NARF: variants seen among roughly 807,000 people sequenced by gnomAD.
NARF encodes the protein nuclear prelamin A recognition factor.
In NARF, 41 loss-of-function variants were observed where a neutral mutation model predicts 48.0. The observed-to-expected ratio is 0.85, with a 90% CI of 0.66 to 1.11. The LOEUF (loss-of-function observed/expected upper bound fraction) is 1.11, where lower values mean the gene tolerates loss of function less well. Among genes scored for constraint, NARF ranks in the 50% least tolerant of loss-of-function variants. The pLI is 0.00. For synonymous variants in NARF, 215 were observed against 225.5 expected (o/e 0.95, Z 0.42); for missense variants, 613 against 590.2 (o/e 1.04, Z -0.40).
At chr17:82,459,109 C>A (rs550270385) in intron 1 of NARF, 2 of 1,183,470 alleles carry the variant, frequency 1.7e-6, no homozygotes. Context: ...TCTCGTGCCG[C>A]GCACCACAGT....
chr17:82,464,411 G>A lies in NARF; in HGVS notation c.233G>A (p.Arg78His), dbSNP rs191803589. ...CAGCAAAATGCCAAGGACTTCTTCC[G>A]CGTTCTGAACCTTAACAAGGTAAGG... is the stretch of plus-strand genomic sequence containing the variant. The part of the protein sequence containing the change: ...LSQQNAKDFF[R>H]VLNLNKKCDT... The change falls in exon 3 of 11, where the codon CGC (arginine) becomes CAC (histidine). Residue 78 changes from arginine to histidine, a missense_variant. Transcript: ENST00000309794. 9.3e-6 allele frequency: 15 copies of A among 1,613,782 alleles called. No individual in the cohort carries two copies. The highest frequency in any genetic ancestry group is 5.5e-5 in the South Asian group (5 of 91,050).
At chr17:82,459,922 C>T (rs2043391757) in intron 1 of NARF, 70 bp from the exon 2 acceptor site, 2 of 1,134,710 alleles carry the variant, frequency 1.8e-6, no homozygotes, top group Admixed American at 3.7e-5. Flanking sequence ...CTTCATTGGT[C>T]AGAATGTGCA....
upstream of NARF, chr17:82,458,736 G>C (rs2043347324): frequency 2.7e-6 from 4 of 1,462,670 alleles, no homozygotes; most frequent in Middle Eastern, 6.0e-4. Flanking sequence ...GCGGCGGGCA[G>C]TGGTGTCCCA....
At chr17:82,480,930 CAAAA>C (rs35163925) in intron 6 of NARF, 148 bp from the exon 7 acceptor site, 1,070 of 626,010 alleles carry the variant, frequency 1.7e-3, no homozygotes, top group Middle Eastern at 4.7e-3. Context: ...GACTCCATTT[CAAAA>C]AAAAAAAAAA....
At chr17:82,476,453 G>GTT (rs770221815) in intron 5 of NARF, 2 of 151,410 alleles carry the variant, frequency 1.3e-5, no homozygotes, top group African/African-American at 4.9e-5. Context: ...ACACTTTTTT[G>GTT]TTTGTTTGTT....
At chr17:82,460,219 C>G in intron 2 of NARF, 147 bp downstream of exon 2, 1 of 613,826 alleles carries the variant, frequency 1.6e-6, no homozygotes, top group Non-Finnish European at 2.8e-6. Context: ...AATCCCAGCA[C>G]TTTGGGAGGC....
At chr17:82,464,244 G>A in intron 2 of NARF, 43 bp from the exon 3 acceptor site, 1 of 1,598,774 alleles carries the variant, frequency 6.3e-7, no homozygotes, top group Non-Finnish European at 8.5e-7. Flanking sequence ...GCACATTAAA[G>A]AGTATTTGTT....
At position 82,487,997 on chromosome 17, in the gene NARF, ACGCTGACATCC is replaced by A; in HGVS notation, c.1213_1223del (p.Ala405CysfsTer169). 6.2e-7 allele frequency: 1 copy of A among 1,614,238 alleles called. No homozygotes were observed. Among genetic ancestry groups the A allele is most frequent in the Non-Finnish European group, 8.5e-7 (1 of 1,180,046 alleles). ...CTGCTGCGGCAGATGGAAGGCATTT[ACGCTGACATCC>A]CTGTGCGGCGTCCGGAGTCCAGTGC... On this transcript the variant is annotated frameshift_variant, in exon 11 of 11. Transcript: ENST00000309794. LOFTEE classifies it low-confidence loss of function (END_TRUNC).
At chr17:82,485,923 GC>G (rs1301275966) in intron 10 of NARF, among the ~76,000 whole-genome samples, 1 of 152,236 alleles carries the variant, frequency 6.6e-6, no homozygotes, top group Non-Finnish European at 1.5e-5. Context: ...GTGAGAGTCA[GC>G]CCGTGGCGGC....
chr17:82,483,996 G>A, intron 8 of NARF: 1 of 545,322 alleles, frequency 1.8e-6, no homozygotes, highest in East Asian at 3.1e-5. Flanking sequence ...GGTTTGGCGG[G>A]CTTCCATGGT....
intron 8 of NARF, chr17:82,484,558 G>A (rs1023246170): frequency 8.2e-6 from 3 of 365,804 alleles, no homozygotes; most frequent in Admixed American, 9.1e-5. Flanking sequence ...ATAAGCATCT[G>A]GAGCACCTGC....
At chr17:82,485,345 C>T (rs1430469931) in intron 9 of NARF, 152 bp from the exon 10 acceptor site, 40 of 799,290 alleles carry the variant, frequency 5.0e-5, no homozygotes, top group South Asian at 8.9e-5. Flanking sequence ...GGCGTGAACC[C>T]GGGAGGCAGA....
At chr17:82,482,710 T>C (rs1344497103) in intron 7 of NARF, 1 of 152,254 alleles carries the variant, frequency 6.6e-6, no homozygotes, top group African/African-American at 2.4e-5. Flanking sequence ...AGACCTCTAA[T>C]TCCAGCCACT....
chr17:82,467,492 A>G (rs1241345317), intron 3 of NARF, among the ~76,000 whole-genome samples: 1 of 147,040 alleles, frequency 6.8e-6, no homozygotes, highest in Non-Finnish European at 1.5e-5. Context: ...TTATTTTTTT[A>G]TTTTTTATTT....
At chr17:82,468,599 AT>A (rs1244891081) in intron 3 of NARF, 164 bp from the exon 4 acceptor site, 41 of 676,538 alleles carry the variant, frequency 6.1e-5, no homozygotes, top group Admixed American at 1.4e-4. Flanking sequence ...CATAATCCTG[AT>A]TTTTTTTCTC....
At chr17:82,465,282 G>C (rs1191668117) in intron 3 of NARF, among the ~76,000 whole-genome samples, 2 of 152,192 alleles carry the variant, frequency 1.3e-5, no homozygotes, top group East Asian at 3.8e-4. Context: ...TGAGATTTGG[G>C]TGGGGACGCA....
chr17:82,458,923 C>T (rs900438368), intron 1 of NARF, 93 bp downstream of exon 1: 3 of 1,249,594 alleles, frequency 2.4e-6, no homozygotes, highest in East Asian at 3.1e-5. Context: ...GCCGCTCGCT[C>T]GCTTCAGGGC....
intron 4 of NARF, among the ~76,000 whole-genome samples, chr17:82,470,336 C>A (rs1411828062): frequency 6.6e-6 from 1 of 152,156 alleles, no homozygotes; most frequent in Non-Finnish European, 1.5e-5. Context: ...AGGTTAGTTA[C>A]ACTGAAGATC....
Position 82,458,777 on chromosome 17 carries a change from C to G in NARF, c.-27C>G. 6.8e-7 allele frequency: 1 copy of G among 1,462,546 alleles called. No homozygotes were observed. Among genetic ancestry groups the G allele is most frequent in the Non-Finnish European group, 9.0e-7 (1 of 1,113,608 alleles). The allele number at this position is 1,462,546 out of a possible 1,614,324, so 90.6% of individuals were successfully genotyped here. A position where few individuals can be genotyped will look rare whatever the true frequency, so the allele number is the denominator to read the frequency against. On this transcript the variant is annotated 5_prime_UTR_variant, in exon 1 of 11. Coordinates refer to ENST00000309794, the MANE Select transcript of NARF (RefSeq NM_012336.4). ...CCGGTGCTTCCCTGAGGCTGAGGCG[C>G]CCGGCCTCCCGCCCGCCGCGCTCCA...
Sources: gnomAD v4.1 joint callset for allele counts (sites outside exome capture counted in the v4.1 genomes callset) on GRCh38, gnomAD v4.1.1 for gene constraint, MANE v1.5 for transcripts, NCBI Gene and HGNC (gene_info 2026-07-23, HGNC 2026-07-21) for gene names.